The following VDAC1 variants were observed in gnomAD, a reference collection of about 807,000 sequenced individuals.
VDAC1 encodes the protein voltage dependent anion channel 1, also known as non-selective voltage-gated ion channel VDAC1.
In VDAC1, 10 loss-of-function variants were observed where a neutral mutation model predicts 34.7. The ratio of observed to expected loss-of-function variants is 0.29; its 90% CI spans 0.18 to 0.49. The LOEUF (loss-of-function observed/expected upper bound fraction) is 0.49, where lower values mean the gene tolerates loss of function less well. VDAC1 is among the 20% of genes least tolerant of loss of function. The probability of loss-of-function intolerance (pLI) is 0.99; values close to 1 mark genes in which losing one functional copy is unlikely to be tolerated. For synonymous variants in VDAC1, 130 were observed against 136.0 expected, an observed-to-expected ratio of 0.96 and a Z score of 0.30; for missense variants, 230 against 347.9, an observed-to-expected ratio of 0.66 and a Z score of 2.69.
chr5:134,085,118 G>A, the VDAC1 span, among the ~76,000 whole-genome samples: 1 of 151,174 alleles, frequency 6.6e-6, no homozygotes, highest in Non-Finnish European at 1.5e-5. Flanking sequence ...GCCCAGGCTG[G>A]AGTGCAGTGG....
chr5:133,987,557 G>A (rs1033855241), intron 5 of VDAC1, among the ~76,000 whole-genome samples: 2 of 149,676 alleles, frequency 1.3e-5, no homozygotes, highest in Non-Finnish European at 3.0e-5. Flanking sequence ...ACACGCCTGT[G>A]GTCCCAGCTA....
At chr5:134,109,179 C>T in the VDAC1 span, among the ~76,000 whole-genome samples, 29 of 152,326 alleles carry the variant, frequency 1.9e-4, no homozygotes, top group African/African-American at 6.3e-4. Context: ...CTGAGCACCG[C>T]AGGTTGCCAG....
At chr5:133,994,529 C>T (rs1276858444) in intron 1 of VDAC1, among the ~76,000 whole-genome samples, 1 of 152,302 alleles carries the variant, frequency 6.6e-6, no homozygotes, top group African/African-American at 2.4e-5. Context: ...CCGCCACTGG[C>T]TCTTTCCAGT....
the VDAC1 span, among the ~76,000 whole-genome samples, chr5:134,092,044 G>C: frequency 6.6e-6 from 1 of 152,146 alleles, no homozygotes; most frequent in African/African-American, 2.4e-5. Flanking sequence ...CCTTTAGTCT[G>C]CCAGCAACCC....
At chr5:134,081,785 G>A in the VDAC1 span, 3 of 152,354 alleles carry the variant, frequency 2.0e-5, no homozygotes, top group Admixed American at 6.6e-5. Context: ...AAAAACACAG[G>A]GTCTAGCAAG....
At chr5:134,095,486 A>AAATG in the VDAC1 span, among the ~76,000 whole-genome samples, 1 of 134,012 alleles carries the variant, frequency 7.5e-6, no homozygotes, top group Non-Finnish European at 1.5e-5. Flanking sequence ...CTGTCTCAGT[A>AAATG]AATAAATAAA....
intron 7 of VDAC1, among the ~76,000 whole-genome samples, chr5:133,974,954 CA>C (rs71842808): frequency 0.31 from 38,200 of 122,886 alleles, 5,045 homozygotes; most frequent in Admixed American, 0.36. Flanking sequence ...GACTCCGTCT[CA>C]AAAAAAAAAA....
chr5:134,047,028 T>A, the VDAC1 span, among the ~76,000 whole-genome samples: 1 of 152,124 alleles, frequency 6.6e-6, no homozygotes, highest in South Asian at 2.1e-4. Flanking sequence ...GTGGGAGAAG[T>A]GAGGGCAGGG....
the VDAC1 span, among the ~76,000 whole-genome samples, chr5:134,044,970 G>T: frequency 6.6e-5 from 10 of 152,268 alleles, no homozygotes. Context: ...GGAGCCAGAG[G>T]GCAGTTTTGG....
intron 6 of VDAC1, among the ~76,000 whole-genome samples, chr5:133,979,547 A>G (rs1399986746): frequency 7.0e-6 from 1 of 142,084 alleles, no homozygotes; most frequent in East Asian, 2.1e-4. Flanking sequence ...CTCCTGCTTC[A>G]GCCTCCCAAG....
the VDAC1 span, among the ~76,000 whole-genome samples, chr5:134,047,966 C>T: frequency 1.3e-5 from 2 of 151,474 alleles, no homozygotes; most frequent in Non-Finnish European, 2.9e-5. Flanking sequence ...CTCCGCCTCC[C>T]GGGTTCTGCA....
chr5:133,979,424 CTTTT>C (rs71581380), intron 6 of VDAC1, among the ~76,000 whole-genome samples: 6 of 80,992 alleles, frequency 7.4e-5, no homozygotes, highest in Admixed American at 2.1e-4. Flanking sequence ...ATTTTCTTTG[CTTTT>C]TTTTTTTTTT....
intron 5 of VDAC1, among the ~76,000 whole-genome samples, chr5:133,984,915 G>A (rs192935104): frequency 1.1e-4 from 16 of 152,298 alleles, no homozygotes; most frequent in Admixed American, 1.0e-3. Flanking sequence ...CAGCCCGGGT[G>A]ACAGAGTGAG....
intron 5 of VDAC1, chr5:133,989,154 GAGGAT>G (rs1418851308): frequency 1.3e-5 from 2 of 152,186 alleles, no homozygotes; most frequent in South Asian, 2.1e-4. Flanking sequence ...GACATCTCCA[GAGGAT>G]AGGAACCATG....
chr5:133,973,940 T>C (rs1752387826), intron 7 of VDAC1, 92 bp from the exon 8 acceptor site: 1 of 1,252,628 alleles, frequency 8.0e-7, no homozygotes. Flanking sequence ...CAACCAACCT[T>C]GGACTTTAGA....
intron 5 of VDAC1, among the ~76,000 whole-genome samples, chr5:133,984,419 C>CGTGTGTGTGTGTGTGT (rs70976506): frequency 9.0e-5 from 11 of 121,938 alleles, no homozygotes; most frequent in African/African-American, 2.6e-4. Context: ...CAATGACCAG[C>CGTGTGTGTGTGTGTGT]GTGTGTGTGT....
chr5:134,110,925 A>G, the VDAC1 span, among the ~76,000 whole-genome samples: 1 of 152,220 alleles, frequency 6.6e-6, no homozygotes, highest in Admixed American at 6.5e-5. Flanking sequence ...GAACATTCAG[A>G]TGATTTACAT....
intron 5 of VDAC1, among the ~76,000 whole-genome samples, chr5:133,986,227 C>A (rs2126949392): frequency 6.6e-6 from 1 of 152,226 alleles, no homozygotes; most frequent in East Asian, 1.9e-4. Context: ...AGGTCTGTGG[C>A]CTCATCCAGA....
chr5:133,995,441 C>A (rs114384196), intron 1 of VDAC1, among the ~76,000 whole-genome samples: 1 of 152,160 alleles, frequency 6.6e-6, no homozygotes, highest in African/African-American at 2.4e-5. Flanking sequence ...TAATCTCCCC[C>A]GTTCTGGGCC....
Sources: allele counts gnomAD v4.1 joint callset (sites outside exome capture counted in the v4.1 genomes callset), GRCh38; gene constraint gnomAD v4.1.1; transcripts MANE v1.5; gene names NCBI Gene and HGNC (gene_info 2026-07-23, HGNC 2026-07-21).